DENND2A: variants seen among roughly 807,000 people sequenced by gnomAD.
DENND2A encodes DENN domain containing 2A, also known as DENN domain-containing protein 2A.
Under a neutral mutation model 105.3 loss-of-function variants are expected in DENND2A, and 53 were observed. The observed-to-expected ratio is 0.50, with a 90% confidence interval of 0.40 to 0.63. DENND2A has a LOEUF of 0.63. Ranked by LOEUF, DENND2A falls within the 30% of genes least tolerant of loss-of-function variation. DENND2A has a pLI of 0.00. For missense variants in DENND2A, 1,138 were observed against 1,279.6 expected, an observed-to-expected ratio of 0.89 and a Z score of 1.69; for synonymous variants, 522 against 508.4, an observed-to-expected ratio of 1.03 and a Z score of -0.36.
chr7:140,624,338 A>G (rs1398861753), intron 1 of DENND2A, among the ~76,000 whole-genome samples: 1 of 148,834 alleles, frequency 6.7e-6, no homozygotes, highest in Non-Finnish European at 1.5e-5. Context: ...AGGAAATTCA[A>G]GGAGGAAAGG....
intron 2 of DENND2A, among the ~76,000 whole-genome samples, chr7:140,602,871 A>G (rs1447145981): frequency 6.6e-6 from 1 of 152,142 alleles, no homozygotes; most frequent in Non-Finnish European, 1.5e-5. Flanking sequence ...GGTGAAATGA[A>G]GGAGCAATCG....
chr7:140,569,637 G>T lies in DENND2A; in HGVS notation c.1540+8C>A. 1 of 1,588,140 alleles carries T rather than the reference G, an allele frequency of 6.3e-7. No homozygotes were observed. The highest frequency in any genetic ancestry group is 8.6e-7 in the Non-Finnish European group (1 of 1,156,306). On this transcript the variant is annotated splice_region_variant and intron_variant, in intron 7 of 19. Coordinates refer to ENST00000496613, the MANE Select transcript of DENND2A (RefSeq NM_015689.5). Reference sequence around the variant, plus strand: ...TTGCGGGAGGAGGGCTGGTGGTGGGGGTTCTACCTTTTCCTGAGTTGCTCT... The same window carrying T: ...TTGCGGGAGGAGGGCTGGTGGTGGGTGTTCTACCTTTTCCTGAGTTGCTCT...
At chr7:140,522,391 G>A (rs1269809664) in intron 17 of DENND2A, among the ~76,000 whole-genome samples, 2 of 152,002 alleles carry the variant, frequency 1.3e-5, no homozygotes, top group African/African-American at 4.8e-5. Flanking sequence ...CTGACTCACT[G>A]CAACCTCTGC....
chr7:140,634,189 G>A (rs748492835), intron 1 of DENND2A, among the ~76,000 whole-genome samples: 189 of 151,722 alleles, frequency 1.2e-3, no homozygotes, highest in Non-Finnish European at 2.2e-3. Flanking sequence ...TAGTAGAGAC[G>A]GGGTTTCACC....
chr7:140,613,560 T>C (rs1461435941), intron 1 of DENND2A, among the ~76,000 whole-genome samples: 2 of 147,686 alleles, frequency 1.4e-5, no homozygotes, highest in Admixed American at 1.3e-4. Flanking sequence ...AAAAAGCTAC[T>C]GCACTCTAGC....
intron 2 of DENND2A, among the ~76,000 whole-genome samples, chr7:140,604,115 G>A (rs1585739423): frequency 2.0e-5 from 3 of 152,178 alleles, no homozygotes; most frequent in Non-Finnish European, 4.4e-5. Context: ...AACACCTCAC[G>A]GTGCCCATTT....
intron 1 of DENND2A, among the ~76,000 whole-genome samples, chr7:140,628,037 G>A (rs1370701184): frequency 2.0e-5 from 3 of 152,080 alleles, no homozygotes; most frequent in Admixed American, 2.0e-4. Flanking sequence ...TGATCTGACA[G>A]CTTCGGCCTC....
intron 1 of DENND2A, among the ~76,000 whole-genome samples, chr7:140,618,949 C>T (rs2130716425): frequency 6.6e-6 from 1 of 152,274 alleles, no homozygotes; most frequent in East Asian, 1.9e-4. Context: ...TAGGCGCCCG[C>T]CTCCACGCCC....
At chr7:140,524,885 CT>C (rs773550888) in intron 16 of DENND2A, among the ~76,000 whole-genome samples, 6,826 of 132,946 alleles carry the variant, frequency 0.051, 425 homozygotes, top group African/African-American at 0.17. Flanking sequence ...GGCAAATATT[CT>C]TTTTTTTTTT....
intron 1 of DENND2A, among the ~76,000 whole-genome samples, chr7:140,633,255 C>T (rs1321418005): frequency 6.6e-6 from 1 of 152,120 alleles, no homozygotes; most frequent in East Asian, 1.9e-4. Context: ...GTCTCCATCT[C>T]CTGACCTCGT....
intron 1 of DENND2A, among the ~76,000 whole-genome samples, chr7:140,624,865 T>C (rs992681203): frequency 1.4e-5 from 2 of 145,348 alleles, no homozygotes; most frequent in African/African-American, 5.6e-5. Flanking sequence ...TTTGTTTTTT[T>C]TTGTTTTTTT....
chr7:140,622,850 G>T (rs769038150), intron 1 of DENND2A, among the ~76,000 whole-genome samples: 4 of 152,090 alleles, frequency 2.6e-5, no homozygotes, highest in Non-Finnish European at 4.4e-5. Context: ...GGGATTACAG[G>T]CGTGAGCCAT....
chr7:140,544,256 G>C, intron 14 of DENND2A: 1 of 362,194 alleles, frequency 2.8e-6, no homozygotes. Flanking sequence ...GTGCAGTGGT[G>C]AGATCTCAGC....
intron 12 of DENND2A, among the ~76,000 whole-genome samples, chr7:140,549,556 G>A (rs940611177): frequency 4.6e-5 from 7 of 152,080 alleles, no homozygotes; most frequent in African/African-American, 7.2e-5. Flanking sequence ...CCCGGCCCTC[G>A]AAATAGACAA....
chr7:140,641,444 G>A (rs569794753), upstream of DENND2A: 8 of 152,432 alleles, frequency 5.2e-5, no homozygotes, highest in South Asian at 2.1e-4. Context: ...CACAGCAGAA[G>A]TCCGCAGGGA....
intron 12 of DENND2A, among the ~76,000 whole-genome samples, chr7:140,550,415 T>G (rs2130540372): frequency 6.6e-6 from 1 of 152,274 alleles, no homozygotes; most frequent in East Asian, 1.9e-4. Flanking sequence ...TGGAGTGCAG[T>G]GGTGCGATCT....
At chr7:140,566,844 T>C (rs1797858278) in intron 9 of DENND2A, among the ~76,000 whole-genome samples, 1 of 152,050 alleles carries the variant, frequency 6.6e-6, no homozygotes, top group African/African-American at 2.4e-5. Flanking sequence ...CCACCATGCA[T>C]GGCTAATTTT....
At chr7:140,531,679 G>A (rs1796272471) in intron 14 of DENND2A, among the ~76,000 whole-genome samples, 1 of 151,692 alleles carries the variant, frequency 6.6e-6, no homozygotes, top group South Asian at 2.1e-4. Flanking sequence ...GTCGGGCATG[G>A]TGGCGTGTGC....
At chr7:140,543,949 T>C (rs1796788969) in intron 14 of DENND2A, 1 of 155,630 alleles carries the variant, frequency 6.4e-6, no homozygotes. Context: ...TGGAGTGCAA[T>C]GGTGCGATCT....
Sources: gnomAD v4.1 joint callset for allele counts (sites outside exome capture counted in the v4.1 genomes callset) on GRCh38, gnomAD v4.1.1 for gene constraint, MANE v1.5 for transcripts, NCBI Gene and HGNC (gene_info 2026-07-23, HGNC 2026-07-21) for gene names.